The following IQCB1 variants were observed in gnomAD, a reference collection of about 807,000 sequenced individuals.
IQCB1 encodes the protein IQ motif containing B1.
In IQCB1, 56 loss-of-function variants were observed where a neutral mutation model predicts 84.4. The observed-to-expected ratio is 0.66, with a 90% CI of 0.54 to 0.83. IQCB1 has a LOEUF of 0.83. IQCB1 is among the 40% of genes least tolerant of loss of function. The probability of loss-of-function intolerance (pLI) is 0.00; values close to 1 mark genes in which losing one functional copy is unlikely to be tolerated. For synonymous variants in IQCB1, 210 were observed against 234.8 expected (o/e 0.89, Z 0.96); for missense variants, 629 against 682.1 (o/e 0.92, Z 0.87).
rs372507201 is a variant in IQCB1, at chr3:121,799,283, T to C, written c.679A>G (p.Arg227Gly). Residue 227 changes from arginine (R) to glycine (G), a missense_variant, in exon 8 of 15, where the codon AGA (arginine) becomes GGA (glycine). Arg to Gly is a moderately radical substitution (Grantham distance 125). Transcript: ENST00000310864. ...KLFSTPSPVI[R>G]STATKLLLLM... ...AGTAGGAGTTTTGTAGCAGTACTTC[T>C]TATAACTGGACTAGGAGTTGAAAAA... 1.3e-5 allele frequency: 21 copies of C among 1,609,156 alleles called. No homozygotes were observed. Among genetic ancestry groups the C allele is most frequent in the South Asian group, 1.2e-4 (11 of 90,740 alleles).
At chr3:121,826,362 G>C (rs905176417) in intron 4 of IQCB1, among the ~76,000 whole-genome samples, 182 bp from the exon 5 acceptor site, 1 of 152,180 alleles carries the variant, frequency 6.6e-6, no homozygotes, top group African/African-American at 2.4e-5. Context: ...TATGGACCAT[G>C]CTTGTACTTA....
intron 13 of IQCB1, among the ~76,000 whole-genome samples, chr3:121,773,313 TAAAA>T (rs57716745): frequency 2.9e-5 from 3 of 104,416 alleles, no homozygotes; most frequent in Admixed American, 1.1e-4. Flanking sequence ...GACTCTGCCT[TAAAA>T]AAAAAAAAAA....
At chr3:121,831,951 A>T (rs1002465436) in intron 2 of IQCB1, among the ~76,000 whole-genome samples, 1 of 152,248 alleles carries the variant, frequency 6.6e-6, no homozygotes, top group African/African-American at 2.4e-5. Context: ...AGAATGCAGC[A>T]AAATATATTT....
intron 7 of IQCB1, among the ~76,000 whole-genome samples, chr3:121,806,930 G>C (rs1410234592): frequency 6.6e-6 from 1 of 151,786 alleles, no homozygotes; most frequent in Non-Finnish European, 1.5e-5. Flanking sequence ...TACCCTTCTT[G>C]AGCATCTGTA....
At chr3:121,829,118 T>C (rs1576620991) in intron 2 of IQCB1, 146 bp from the exon 3 acceptor site, 2 of 638,646 alleles carry the variant, frequency 3.1e-6, no homozygotes, top group East Asian at 5.6e-5. Flanking sequence ...TTTTCATTTC[T>C]TCCTTATAGA....
chr3:121,816,057 G>C (rs959142165), intron 5 of IQCB1, among the ~76,000 whole-genome samples: 4 of 151,886 alleles, frequency 2.6e-5, no homozygotes, highest in Non-Finnish European at 5.9e-5. Context: ...GCATGGTACT[G>C]GTATCAAAAC....
intron 2 of IQCB1, among the ~76,000 whole-genome samples, chr3:121,833,342 T>A (rs1708051938): frequency 6.6e-6 from 1 of 152,194 alleles, no homozygotes; most frequent in Non-Finnish European, 1.5e-5. Flanking sequence ...AAAGTATGAG[T>A]AAATGCACAA....
chr3:121,816,077 G>A (rs1950043655), intron 5 of IQCB1, among the ~76,000 whole-genome samples: 1 of 151,878 alleles, frequency 6.6e-6, no homozygotes, highest in Non-Finnish European at 1.5e-5. Flanking sequence ...CACATATATA[G>A]ACCAATGGAA....
Position 121,835,026 on chromosome 3 carries a change from G to T in IQCB1, c.-162C>A. The T allele has an allele frequency of 5.3e-6, 3 of 561,940 alleles. No individual in the cohort carries two copies. Among genetic ancestry groups the T allele is most frequent in the Non-Finnish European group, 9.6e-6 (3 of 312,432 alleles). The allele number at this position is 561,940 out of a possible 1,614,324, so 34.8% of individuals were successfully genotyped here. The stretch of plus-strand genomic sequence containing the variant: ...TGGGGCTCCCACGCCGCACTACAGC[G>T]CCGCGGCCTTCCGGGGCAGCGTGCG... On this transcript the variant is annotated 5_prime_UTR_variant, in exon 1 of 15. Coordinates refer to ENST00000310864, the MANE Select transcript of IQCB1 (RefSeq NM_001023570.4).
intron 2 of IQCB1, among the ~76,000 whole-genome samples, chr3:121,830,012 G>A (rs1950579776): frequency 1.3e-5 from 2 of 152,060 alleles, no homozygotes; most frequent in Non-Finnish European, 2.9e-5. Flanking sequence ...TTCAAGACCA[G>A]CCTGGCCAAC....
At chr3:121,788,549 AC>A (rs1948829896) in intron 11 of IQCB1, 117 bp from the exon 12 acceptor site, 1 of 1,037,848 alleles carries the variant, frequency 9.6e-7, no homozygotes, top group African/African-American at 1.6e-5. Context: ...AATATTGTTC[AC>A]TAATTTTCCC....
chr3:121,772,958 C>T (rs1438285692), intron 13 of IQCB1, among the ~76,000 whole-genome samples: 1 of 149,746 alleles, frequency 6.7e-6, no homozygotes, highest in Admixed American at 6.6e-5. Flanking sequence ...CTTTCTCAGA[C>T]ACTGTGGAAT....
intron 13 of IQCB1, among the ~76,000 whole-genome samples, chr3:121,774,376 C>T (rs1948135561): frequency 6.6e-6 from 1 of 152,042 alleles, no homozygotes; most frequent in South Asian, 2.1e-4. Flanking sequence ...TATGGCAGTT[C>T]CTCAAAAAAA....
chr3:121,783,652 T>TGGACACATTTTCTC (rs1206312594), intron 12 of IQCB1, among the ~76,000 whole-genome samples: 1 of 152,210 alleles, frequency 6.6e-6, no homozygotes, highest in Non-Finnish European at 1.5e-5. Flanking sequence ...TTCATTTTCT[T>TGGACACATTTTCTC]GGACACATTT....
rs755414249 is a variant in IQCB1 at position 121,770,501 on chromosome 3, G to A, written c.1641C>T (p.Ala547=). The A allele has an allele frequency of 3.7e-6, 6 of 1,614,136 alleles. No homozygotes were observed. In the East Asian group the frequency reaches 1.3e-4, roughly 36 times the overall value. The stretch of plus-strand genomic sequence containing the variant: ...TTGTGAGATGGGCCTGCTTGGCCTT[G>A]GCTGCCACAGGCCTGGATCTACTTA... The part of the protein sequence containing the change: ...LFLSRSRPVA[A]KAKQAHLTTL... Residue 547 remains alanine, a synonymous_variant, in exon 15 of 15, where the codon GCC becomes GCT. Transcript: ENST00000310864.
At chr3:121,783,319 G>T (rs529556187) in intron 12 of IQCB1, among the ~76,000 whole-genome samples, 8 of 151,810 alleles carry the variant, frequency 5.3e-5, no homozygotes, top group African/African-American at 1.9e-4. Flanking sequence ...TCAGATATAG[G>T]TATCATCTAT....
At chr3:121,790,011 G>GTTGGTT (rs1948893984) in intron 11 of IQCB1, 62 bp downstream of exon 11, 4 of 1,420,886 alleles carry the variant, frequency 2.8e-6, no homozygotes, top group Non-Finnish European at 4.0e-6. Flanking sequence ...AGCTAGAAAA[G>GTTGGTT]TTGGTTTGTT....
intron 14 of IQCB1, 144 bp downstream of exon 14, chr3:121,772,413 G>A (rs1948035453): frequency 2.6e-6 from 2 of 770,314 alleles, no homozygotes; most frequent in South Asian, 1.4e-5. Context: ...AACATTGTGT[G>A]CTGGTCTGAT....
intron 11 of IQCB1, 39 bp downstream of exon 11, chr3:121,790,034 A>T (rs1948895794): frequency 1.3e-6 from 2 of 1,577,900 alleles, no homozygotes; most frequent in African/African-American, 2.7e-5. Context: ...AAGATAACCT[A>T]AATATTCTTA....
Sources: gnomAD v4.1 joint callset for allele counts (sites outside exome capture counted in the v4.1 genomes callset) on GRCh38, gnomAD v4.1.1 for gene constraint, MANE v1.5 for transcripts, NCBI Gene and HGNC (gene_info 2026-07-23, HGNC 2026-07-21) for gene names.